Variants in FOXP1 observed in about 807,000 individuals in gnomAD.
FOXP1 encodes the protein forkhead box P1, also known as forkhead box protein P1.
FOXP1 carries 15 observed loss-of-function variants against 98.2 expected under a neutral mutation model. That is an observed-to-expected ratio of 0.15 (90% CI 0.10 to 0.24). FOXP1 has a LOEUF of 0.24. Among genes scored for constraint, FOXP1 ranks in the 10% least tolerant of loss-of-function variants. FOXP1 has a pLI of 1.00. For synonymous variants in FOXP1, 371 were observed against 314.5 expected (o/e 1.18, Z -1.90); for missense variants, 633 against 848.5 (o/e 0.75, Z 3.15).
chr3:71,211,119 C>A (rs1419895991), intron 5 of FOXP1, among the ~76,000 whole-genome samples: 2 of 152,130 alleles, frequency 1.3e-5, no homozygotes, highest in Non-Finnish European at 2.9e-5. Context: ...TCACCTATTC[C>A]TTATCACGAG....
intron 2 of FOXP1, among the ~76,000 whole-genome samples, chr3:71,503,417 A>G (rs2041554360): frequency 6.6e-6 from 1 of 152,196 alleles, no homozygotes; most frequent in African/African-American, 2.4e-5. Context: ...GAATTTCAAC[A>G]TGATGAAACC....
chr3:71,443,730 C>T (rs1327435602), intron 3 of FOXP1, among the ~76,000 whole-genome samples: 1 of 152,178 alleles, frequency 6.6e-6, no homozygotes, highest in Non-Finnish European at 1.5e-5. Context: ...AGCTGAGTCT[C>T]ATTTTGTATC....
intron 6 of FOXP1, among the ~76,000 whole-genome samples, chr3:71,162,820 G>A (rs1317719050): frequency 6.6e-6 from 1 of 152,172 alleles, no homozygotes; most frequent in African/African-American, 2.4e-5. Context: ...TCTACTGATA[G>A]TCTAGCTACT....
At chr3:71,086,836 C>G (rs918907242) in intron 7 of FOXP1, among the ~76,000 whole-genome samples, 7 of 152,202 alleles carry the variant, frequency 4.6e-5, no homozygotes, top group African/African-American at 1.7e-4. Context: ...GCAACACATT[C>G]AGCTGGAATT....
chr3:71,498,528 T>C (rs1415123819), intron 2 of FOXP1, among the ~76,000 whole-genome samples: 1 of 152,226 alleles, frequency 6.6e-6, no homozygotes, highest in Non-Finnish European at 1.5e-5. Context: ...GCACTGGGTA[T>C]TGGCCTCCAT....
At chr3:71,256,620 G>C (rs979275841) in intron 5 of FOXP1, among the ~76,000 whole-genome samples, 1 of 152,142 alleles carries the variant, frequency 6.6e-6, no homozygotes, top group Admixed American at 6.5e-5. Context: ...TTAACCTCAT[G>C]ATTCACCTGC....
intron 9 of FOXP1, among the ~76,000 whole-genome samples, chr3:71,047,453 C>G (rs2049179710): frequency 1.3e-5 from 2 of 152,196 alleles, no homozygotes; most frequent in Admixed American, 1.3e-4. Flanking sequence ...CTGAAGGGGT[C>G]TGAACCCCGA....
Position 70,955,562 on chromosome 3 carries a change from C to T in FOXP1, c.*3685G>A, listed in dbSNP as rs114680316. On this transcript the variant is annotated 3_prime_UTR_variant, in exon 21 of 21. Coordinates refer to ENST00000649528, the MANE Select transcript of FOXP1 (RefSeq NM_001349338.3). ...ACAGATTTTCTTTACATCTTGGCAC[C>T]TTGTAAAGTTTTTTTTTTTTTATAC... The T allele has an allele frequency of 5.6e-3, 1,264 of 227,454 alleles. 6 individuals carry two copies. Among genetic ancestry groups the T allele is most frequent in the African/African-American group, 0.028 (1,150 of 41,376 alleles). The allele number at this position is 227,454 out of a possible 1,614,324, so 14.1% of individuals were successfully genotyped here.
chr3:71,056,397 T>C (rs1024279854), intron 7 of FOXP1, among the ~76,000 whole-genome samples: 53 of 152,164 alleles, frequency 3.5e-4, no homozygotes, highest in Non-Finnish European at 1.0e-4. Context: ...CCCATAATCA[T>C]TTATTCATTT....
intron 5 of FOXP1, among the ~76,000 whole-genome samples, chr3:71,273,719 G>C (rs2070618282): frequency 6.6e-6 from 1 of 152,098 alleles, no homozygotes; most frequent in South Asian, 2.1e-4. Flanking sequence ...AAGAAACTGG[G>C]GGGAGGGAGA....
chr3:70,997,207 G>C (rs894969986), intron 13 of FOXP1, among the ~76,000 whole-genome samples: 1 of 152,204 alleles, frequency 6.6e-6, no homozygotes, highest in Non-Finnish European at 1.5e-5. Flanking sequence ...GCTGTTTGAC[G>C]ACAAGCACAT....
intron 9 of FOXP1, among the ~76,000 whole-genome samples, chr3:71,047,871 G>A (rs1022136684): frequency 6.6e-6 from 1 of 152,098 alleles, no homozygotes; most frequent in African/African-American, 2.4e-5. Context: ...TTTGTTGATT[G>A]GACAATGACA....
At chr3:70,972,715 A>G (rs766318445) in intron 17 of FOXP1, 39 bp from the exon 18 acceptor site, 36 of 1,607,622 alleles carry the variant, frequency 2.2e-5, no homozygotes, top group Middle Eastern at 1.7e-4. Context: ...TACATTTTCT[A>G]TAAGAAAAGA....
At chr3:71,151,640 A>T (rs2060577353) in intron 6 of FOXP1, among the ~76,000 whole-genome samples, 1 of 149,856 alleles carries the variant, frequency 6.7e-6, no homozygotes. Flanking sequence ...CCTTTAGTCG[A>T]GAGGATGCAT....
In FOXP1 at chr3:71,373,247, T is replaced by A. The variant is rs114451355; in HGVS notation, c.-167-14003A>T. Reference sequence around the variant, plus strand: ...AAGCTGACAAAATCTTTTCTTTCTATGCCATGGCAACCAGGAGAGTTAATG... The same window carrying A: ...AAGCTGACAAAATCTTTTCTTTCTAAGCCATGGCAACCAGGAGAGTTAATG... On this transcript the variant is annotated intron_variant, in intron 3 of 20. Coordinates refer to ENST00000649528, the MANE Select transcript of FOXP1 (RefSeq NM_001349338.3). Among the ~76,000 whole-genome samples the A allele has an allele frequency of 9.3e-3, 1,414 of 152,292 alleles. 19 individuals are homozygous for A. Among genetic ancestry groups the A allele is most frequent in the African/African-American group, 0.031 (1,305 of 41,560 alleles).
At chr3:70,963,803 G>A (rs1001458657) in intron 20 of FOXP1, among the ~76,000 whole-genome samples, 3 of 152,182 alleles carry the variant, frequency 2.0e-5, no homozygotes, top group African/African-American at 7.2e-5. Flanking sequence ...ATAATTATGT[G>A]ACCACTTTCT....
intron 3 of FOXP1, among the ~76,000 whole-genome samples, chr3:71,412,018 A>C (rs2082789926): frequency 3.3e-5 from 5 of 152,204 alleles, no homozygotes. Flanking sequence ...TTACTATTAA[A>C]AGCGCAAGTG....
intron 3 of FOXP1, among the ~76,000 whole-genome samples, chr3:71,363,312 G>C (rs914962968): frequency 6.6e-6 from 1 of 152,100 alleles, no homozygotes; most frequent in East Asian, 1.9e-4. Flanking sequence ...TCAATATTGT[G>C]TACAACTTCT....
chr3:71,068,605 AT>A (rs1262453586), intron 7 of FOXP1, among the ~76,000 whole-genome samples: 1 of 152,222 alleles, frequency 6.6e-6, no homozygotes, highest in East Asian at 1.9e-4. Context: ...CAAAACCTTA[AT>A]TCAAGTTTGC....
Sources: gnomAD v4.1 joint callset for allele counts (sites outside exome capture counted in the v4.1 genomes callset) on GRCh38, gnomAD v4.1.1 for gene constraint, MANE v1.5 for transcripts, NCBI Gene and HGNC (gene_info 2026-07-23, HGNC 2026-07-21) for gene names.